ZNF507: variants seen among roughly 807,000 people sequenced by gnomAD.
The protein encoded by ZNF507 is zinc finger protein 507.
A neutral mutation model predicts 80.0 loss-of-function variants in ZNF507; 29 were observed. The ratio of observed to expected loss-of-function variants is 0.36; its 90% CI spans 0.27 to 0.49. The LOEUF (loss-of-function observed/expected upper bound fraction) is 0.49. Ranked by LOEUF, ZNF507 falls within the 20% of genes least tolerant of loss-of-function variation. The pLI, the probability that ZNF507 is intolerant of heterozygous loss-of-function variation, is 0.98. For missense variants in ZNF507, 1,081 were observed against 1,152.2 expected (o/e 0.94, Z 0.90); for synonymous variants, 462 against 422.5 (o/e 1.09, Z -1.15).
intron 5 of ZNF507, among the ~76,000 whole-genome samples, chr19:32,370,213 C>G (rs1351211988): frequency 6.6e-6 from 1 of 152,212 alleles, no homozygotes; most frequent in Non-Finnish European, 1.5e-5. Context: ...CTGCACTGAA[C>G]ATGGAAAGGC....
chr19:32,353,391 A>G lies in ZNF507; in HGVS notation c.561A>G (p.Gln187=), dbSNP rs1967198798. The G allele has an allele frequency of 6.2e-7, 1 of 1,614,168 alleles. No individual in the cohort carries two copies. The highest frequency in any genetic ancestry group is 1.7e-5 in the Admixed American group (1 of 60,016). ...DHDNDANIHT[Q]SKAQQCVSPS... ...ACAATGATGCCAATATCCACACCCA[A>G]TCCAAAGCCCAACAGTGCGTAAGCC... The change falls in exon 3 of 7, where the codon CAA becomes CAG. Residue 187 remains glutamine, a synonymous_variant. Transcript: ENST00000355898.
Position 32,384,921 on chromosome 19 carries a change from C to A in ZNF507, c.*1838C>A, listed in dbSNP as rs866754013. The A allele has an allele frequency of 6.6e-6, 1 of 151,838 alleles. No homozygotes were observed. The highest frequency in any genetic ancestry group is 1.5e-5 in the Non-Finnish European group (1 of 67,962). 9.4% of individuals were successfully genotyped at this position (151,838 alleles called of 1,614,324 possible). A position where few individuals can be genotyped will look rare whatever the true frequency, so the allele number is the denominator to read the frequency against. Reference sequence around the variant, plus strand: ...ACTTATATTCATTTTCTCCTTTTTTCGGAATTGAAACATTTTAATTTCAAA... The same window carrying A: ...ACTTATATTCATTTTCTCCTTTTTTAGGAATTGAAACATTTTAATTTCAAA... On this transcript the variant is annotated 3_prime_UTR_variant, in exon 7 of 7. Coordinates refer to ENST00000355898, the MANE Select transcript of ZNF507 (RefSeq NM_001136156.2).
At chr19:32,349,622 A>G (rs1405176722) in intron 2 of ZNF507, among the ~76,000 whole-genome samples, 1 of 152,224 alleles carries the variant, frequency 6.6e-6, no homozygotes, top group Admixed American at 6.5e-5. Context: ...TGCGCCTTGC[A>G]CATAACAATT....
At position 32,354,624 on chromosome 19, in the gene ZNF507, A is replaced by G; in HGVS notation, c.1794A>G (p.Thr598=). Residue 598 remains threonine (T), a synonymous_variant, in exon 3 of 7, where the codon ACA becomes ACG. Transcript: ENST00000355898. ...TCATTGAAAAATTGAGAGAAAGGACAGACCAAAACGCTTCAGACGATGACA... is the reference window on the plus strand; with the variant it reads ...TCATTGAAAAATTGAGAGAAAGGACGGACCAAAACGCTTCAGACGATGACA... ...LTVIEKLRER[T]DQNASDDDIL... The G allele has an allele frequency of 1.2e-6, 2 of 1,614,232 alleles. No individual in the cohort carries two copies. The highest frequency in any genetic ancestry group is 8.5e-7 in the Non-Finnish European group (1 of 1,180,042).
intron 5 of ZNF507, among the ~76,000 whole-genome samples, chr19:32,380,982 T>C (rs568056671): frequency 2.6e-4 from 39 of 152,094 alleles, no homozygotes; most frequent in Non-Finnish European, 4.1e-4. Context: ...CAATTATTCA[T>C]AATTGCAAAA....
Position 32,370,585 on chromosome 19 carries a change from CCTT to C in ZNF507, c.2360+9970_2360+9972del, listed in dbSNP as rs1235958844. 2.6e-5 allele frequency among the ~76,000 whole-genome samples: 4 copies of C among 152,234 alleles called. No homozygotes were observed. In the East Asian group the frequency reaches 7.7e-4, roughly 29 times the overall value. On this transcript the variant is annotated intron_variant, in intron 5 of 6. Coordinates refer to ENST00000355898, the MANE Select transcript of ZNF507 (RefSeq NM_001136156.2). ...CCCATTTTTTAATCGAGTTATTTGT[CCTT>C]CTGCTATTGAGTTATAAGTGTTCTT...
intron 5 of ZNF507, among the ~76,000 whole-genome samples, chr19:32,364,869 T>G (rs1315874452): frequency 6.6e-6 from 1 of 152,188 alleles, no homozygotes; most frequent in Non-Finnish European, 1.5e-5. Flanking sequence ...AGTTCTACTT[T>G]TAGTTCTTTA....
intron 2 of ZNF507, among the ~76,000 whole-genome samples, chr19:32,348,698 A>G (rs1415140043): frequency 2.0e-5 from 3 of 152,226 alleles, no homozygotes; most frequent in African/African-American, 2.4e-5. Context: ...ATTTATTGGT[A>G]ACAATTTAAT....
chr19:32,355,109 C>A, intron 3 of ZNF507, 152 bp downstream of exon 3: 1 of 727,566 alleles, frequency 1.4e-6, no homozygotes, highest in Admixed American at 3.2e-5. Context: ...TCCCAACTTA[C>A]CAGTATTAAA....
chr19:32,347,497 A>T (rs1211304461), intron 2 of ZNF507, among the ~76,000 whole-genome samples, 159 bp downstream of exon 2: 1 of 152,202 alleles, frequency 6.6e-6, no homozygotes, highest in Non-Finnish European at 1.5e-5. Context: ...GATATTTTGT[A>T]CATTTTTATT....
intron 5 of ZNF507, among the ~76,000 whole-genome samples, chr19:32,365,911 T>A (rs923156157): frequency 2.6e-5 from 4 of 152,194 alleles, no homozygotes; most frequent in African/African-American, 9.6e-5. Flanking sequence ...TCCATATCCC[T>A]CAGTTCTTCC....
At chr19:32,367,088 C>T (rs1967408771) in intron 5 of ZNF507, among the ~76,000 whole-genome samples, 2 of 152,164 alleles carry the variant, frequency 1.3e-5, no homozygotes, top group African/African-American at 2.4e-5. Context: ...CTGTCCTCTG[C>T]TTCTGGTGAG....
Position 32,387,239 on chromosome 19 carries a change from T to A in ZNF507, c.*4156T>A, listed in dbSNP as rs1312219056. On this transcript the variant is annotated 3_prime_UTR_variant, in exon 7 of 7. Coordinates refer to ENST00000355898, the MANE Select transcript of ZNF507 (RefSeq NM_001136156.2). ...GTGAAGGCCAAAAACTACAGTGATA[T>A]GTTCACACCTTGATCACTCTGTCGT... 1.3e-5 allele frequency: 2 copies of A among 152,300 alleles called. No homozygotes were observed. Among genetic ancestry groups the A allele is most frequent in the African/African-American group, 4.8e-5 (2 of 41,554 alleles). The allele number at this position is 152,300 out of a possible 1,614,324, so 9.4% of individuals were successfully genotyped here.
rs749161450 is a variant in ZNF507 at position 32,383,692 on chromosome 19, T to A, written c.*609T>A. 2 of 152,198 alleles carry A rather than the reference T, an allele frequency of 1.3e-5. No homozygotes were observed. Among genetic ancestry groups the A allele is most frequent in the Non-Finnish European group, 2.9e-5 (2 of 68,058 alleles). 9.4% of individuals were successfully genotyped at this position (152,198 alleles called of 1,614,324 possible). The stretch of plus-strand genomic sequence containing the variant: ...TACTCCTTAAAAAAGAAAGGAAAGA[T>A]CTCTAAATTCAAAGCTAGATTGTAA... On this transcript the variant is annotated 3_prime_UTR_variant, in exon 7 of 7. Transcript: ENST00000355898.
chr19:32,378,820 G>A (rs550530984), intron 5 of ZNF507, among the ~76,000 whole-genome samples: 1 of 152,250 alleles, frequency 6.6e-6, no homozygotes, highest in East Asian at 1.9e-4. Flanking sequence ...ACTTGTCACT[G>A]GGGGATCATT....
intron 4 of ZNF507, 128 bp from the exon 5 acceptor site, chr19:32,360,374 CAG>C (rs1381129818): frequency 2.1e-6 from 1 of 484,692 alleles, no homozygotes; most frequent in Non-Finnish European, 3.6e-6. Flanking sequence ...CTTGTTAAAA[CAG>C]TGAGAAAGCC....
intron 5 of ZNF507, among the ~76,000 whole-genome samples, chr19:32,372,653 C>T (rs1967489865): frequency 6.6e-6 from 1 of 151,940 alleles, no homozygotes; most frequent in African/African-American, 2.4e-5. Flanking sequence ...CATAACACCC[C>T]ACTCTCAAGA....
chr19:32,347,893 A>G (rs186913556), intron 2 of ZNF507, among the ~76,000 whole-genome samples: 3 of 152,376 alleles, frequency 2.0e-5, no homozygotes, highest in Admixed American at 6.5e-5. Flanking sequence ...ACTCTAGACT[A>G]TGAAACTCCA....
At chr19:32,378,790 A>G (rs1317876315) in intron 5 of ZNF507, among the ~76,000 whole-genome samples, 1 of 152,160 alleles carries the variant, frequency 6.6e-6, no homozygotes, top group Admixed American at 6.5e-5. Flanking sequence ...AAAATATGAA[A>G]TTCTTGTTGC....
Sources: allele counts gnomAD v4.1 joint callset (sites outside exome capture counted in the v4.1 genomes callset), GRCh38; gene constraint gnomAD v4.1.1; transcripts MANE v1.5; gene names NCBI Gene and HGNC (gene_info 2026-07-23, HGNC 2026-07-21).